ADARB2: variants seen among roughly 807,000 people sequenced by gnomAD.
ADARB2 encodes adenosine deaminase RNA specific B2 (inactive), also known as inactive double-stranded RNA-specific editase B2.
ADARB2 carries 25 observed loss-of-function variants against 62.2 expected under a neutral mutation model. The ratio of observed to expected loss-of-function variants is 0.40; its 90% CI spans 0.29 to 0.56. The LOEUF (loss-of-function observed/expected upper bound fraction) is 0.56, where lower values mean the gene tolerates loss of function less well. Among genes scored for constraint, ADARB2 ranks in the 20% least tolerant of loss-of-function variants. ADARB2 has a pLI of 0.43. For missense variants in ADARB2, 1,071 were observed against 1,077.4 expected (o/e 0.99, Z 0.08); for synonymous variants, 572 against 500.8 (o/e 1.14, Z -1.90).
chr10:1,552,924 C>T (rs72764964), intron 1 of ADARB2, among the ~76,000 whole-genome samples: 50 of 151,672 alleles, frequency 3.3e-4, no homozygotes, highest in African/African-American at 1.1e-3. Flanking sequence ...TTAATTAATT[C>T]GTTTAGTCAC....
At chr10:1,492,544 A>C (rs568012590) in intron 1 of ADARB2, among the ~76,000 whole-genome samples, 1 of 152,196 alleles carries the variant, frequency 6.6e-6, no homozygotes, top group South Asian at 2.1e-4. Context: ...GGCTTCCAGA[A>C]CTATGAGAGG....
intron 1 of ADARB2, among the ~76,000 whole-genome samples, chr10:1,491,928 G>A (rs1282544259): frequency 6.6e-6 from 1 of 152,222 alleles, no homozygotes; most frequent in Non-Finnish European, 1.5e-5. Context: ...TAAGACAGCA[G>A]AAAGCTACTT....
intron 2 of ADARB2, among the ~76,000 whole-genome samples, chr10:1,368,653 CCT>C (rs373797246): frequency 6.6e-6 from 1 of 152,056 alleles, no homozygotes; most frequent in African/African-American, 2.4e-5. Context: ...AACAAAGCCT[CCT>C]CTCTCTCTCT....
intron 1 of ADARB2, among the ~76,000 whole-genome samples, chr10:1,670,170 CA>C (rs1834366626): frequency 6.6e-6 from 1 of 152,214 alleles, no homozygotes; most frequent in Non-Finnish European, 1.5e-5. Context: ...CAGCCAATAT[CA>C]AACCTTCACT....
intron 3 of ADARB2, among the ~76,000 whole-genome samples, chr10:1,346,685 CA>C (rs1344233052): frequency 1.3e-5 from 2 of 152,242 alleles, no homozygotes; most frequent in African/African-American, 4.8e-5. Context: ...GCAGAGATGC[CA>C]GGGGTGCCCC....
intron 1 of ADARB2, among the ~76,000 whole-genome samples, chr10:1,553,106 C>T (rs529667873): frequency 2.0e-4 from 28 of 141,702 alleles, no homozygotes; most frequent in Admixed American, 1.4e-3. Context: ...CCTCGCAGCC[C>T]AGGCCAGCAC....
intron 2 of ADARB2, among the ~76,000 whole-genome samples, chr10:1,365,307 A>T (rs1832304852): frequency 6.6e-6 from 1 of 152,116 alleles, no homozygotes; most frequent in Non-Finnish European, 1.5e-5. Flanking sequence ...TAAGACGGCA[A>T]ACTTAGGAAC....
chr10:1,701,765 C>T (rs1834823562), intron 1 of ADARB2, among the ~76,000 whole-genome samples: 1 of 134,830 alleles, frequency 7.4e-6, no homozygotes, highest in Non-Finnish European at 1.6e-5. Context: ...AGGCGCTAGT[C>T]AATACACGCA....
chr10:1,205,564 C>T (rs918993289), intron 7 of ADARB2, among the ~76,000 whole-genome samples: 3 of 152,256 alleles, frequency 2.0e-5, no homozygotes, highest in African/African-American at 7.2e-5. Flanking sequence ...CCAGGCTCTG[C>T]GGTCCGAATG....
Position 1,664,582 on chromosome 10 carries a change from G to A in ADARB2, c.100+72469C>T, listed in dbSNP as rs117551819. Among the ~76,000 whole-genome samples the A allele has an allele frequency of 2.6e-5, 4 of 152,264 alleles. No homozygotes were observed. The East Asian group carries it at 5.8e-4, about 22-fold the overall frequency. ...GTTGGTAAGAAGAATTGCTGTTTAC[G>A]GCGAGCAGGCTGTGTGCTGGGCATC... On this transcript the variant is annotated intron_variant, in intron 1 of 9. Transcript: ENST00000381312.
intron 1 of ADARB2, among the ~76,000 whole-genome samples, chr10:1,577,992 G>C (rs1300001453): frequency 6.6e-6 from 1 of 152,222 alleles, no homozygotes; most frequent in Non-Finnish European, 1.5e-5. Context: ...GGCAGAGCCA[G>C]CCCTGTGGAC....
intron 1 of ADARB2, among the ~76,000 whole-genome samples, chr10:1,474,298 A>G (rs1831369196): frequency 6.6e-6 from 1 of 152,032 alleles, no homozygotes; most frequent in African/African-American, 2.4e-5. Flanking sequence ...GCCCTCTGGG[A>G]CGGCATGGCC....
intron 7 of ADARB2, 140 bp from the exon 8 acceptor site, chr10:1,200,287 C>G (rs998680784): frequency 5.5e-6 from 6 of 1,096,476 alleles, no homozygotes; most frequent in Middle Eastern, 2.0e-4. Flanking sequence ...TGGGAGTGCC[C>G]CAGACCCAAC....
At chr10:1,634,872 T>C (rs1833894240) in intron 1 of ADARB2, among the ~76,000 whole-genome samples, 1 of 152,222 alleles carries the variant, frequency 6.6e-6, no homozygotes, top group Non-Finnish European at 1.5e-5. Flanking sequence ...AAACCAGTAG[T>C]TACTTTCCAG....
intron 1 of ADARB2, among the ~76,000 whole-genome samples, chr10:1,698,858 C>G (rs1303178908): frequency 6.6e-6 from 1 of 152,208 alleles, no homozygotes; most frequent in African/African-American, 2.4e-5. Flanking sequence ...CTCCCAAGTT[C>G]AAGCAGTTCT....
chr10:1,669,829 GAC>G (rs1441783073), intron 1 of ADARB2, among the ~76,000 whole-genome samples: 1 of 148,606 alleles, frequency 6.7e-6, no homozygotes, highest in African/African-American at 2.5e-5. Flanking sequence ...TAGACTCACA[GAC>G]ACACAAACAG....
chr10:1,649,389 T>C (rs1834083687), intron 1 of ADARB2, among the ~76,000 whole-genome samples: 1 of 152,168 alleles, frequency 6.6e-6, no homozygotes, highest in Non-Finnish European at 1.5e-5. Context: ...GGGATACACT[T>C]TTCTATCATG....
intron 9 of ADARB2, 50 bp from the exon 10 acceptor site, chr10:1,183,419 C>T (rs1029664602): frequency 1.9e-6 from 3 of 1,588,690 alleles, no homozygotes; most frequent in Non-Finnish European, 1.7e-6. Flanking sequence ...AGAAAAGGAG[C>T]TTCTGCTAGG....
intron 1 of ADARB2, among the ~76,000 whole-genome samples, chr10:1,709,767 C>T (rs565171736): frequency 3.3e-5 from 5 of 152,312 alleles, no homozygotes; most frequent in East Asian, 1.9e-4. Flanking sequence ...GCCCTTGGCA[C>T]GTCAACACAC....
Sources: allele counts gnomAD v4.1 joint callset (sites outside exome capture counted in the v4.1 genomes callset), GRCh38; gene constraint gnomAD v4.1.1; transcripts MANE v1.5; gene names NCBI Gene and HGNC (gene_info 2026-07-23, HGNC 2026-07-21).